ATRNL1: variants seen among roughly 807,000 people sequenced by gnomAD.
The protein encoded by ATRNL1 is attractin-like protein 1.
Under a neutral mutation model 182.7 loss-of-function variants are expected in ATRNL1, and 95 were observed. The ratio of observed to expected loss-of-function variants is 0.52; its 90% CI spans 0.44 to 0.62. The LOEUF (loss-of-function observed/expected upper bound fraction) is 0.62, where lower values mean the gene tolerates loss of function less well. Ranked by LOEUF, ATRNL1 falls within the 20% of genes least tolerant of loss-of-function variation. The probability of loss-of-function intolerance (pLI) is 0.00; values close to 1 mark genes in which losing one functional copy is unlikely to be tolerated. For missense variants in ATRNL1, 1,471 were observed against 1,679.5 expected (o/e 0.88, Z 2.17); for synonymous variants, 576 against 568.3 (o/e 1.01, Z -0.19).
intron 19 of ATRNL1, among the ~76,000 whole-genome samples, chr10:115,387,527 G>A (rs1314734438): frequency 6.6e-6 from 1 of 152,154 alleles, no homozygotes; most frequent in Non-Finnish European, 1.5e-5. Context: ...GACATTCACA[G>A]TGTTGTGCAG....
At chr10:115,253,468 T>A (rs114149005) in intron 10 of ATRNL1, among the ~76,000 whole-genome samples, 1,786 of 152,268 alleles carry the variant, frequency 0.012, 34 homozygotes, top group African/African-American at 0.04. Context: ...CAACAAGTTT[T>A]TTTTTGAATT....
chr10:115,312,486 A>C (rs1282575233), intron 17 of ATRNL1, among the ~76,000 whole-genome samples: 1 of 151,944 alleles, frequency 6.6e-6, no homozygotes, highest in African/African-American at 2.4e-5. Context: ...TATTAGTCTG[A>C]TAAGTTTTTC....
chr10:115,194,403 TATC>T (rs1490205813), intron 8 of ATRNL1, among the ~76,000 whole-genome samples: 8 of 152,050 alleles, frequency 5.3e-5, no homozygotes, highest in African/African-American at 1.9e-4. Flanking sequence ...ACAATTGTTC[TATC>T]ATCTTGCTGA....
At chr10:115,364,795 T>C (rs564777315) in intron 19 of ATRNL1, among the ~76,000 whole-genome samples, 1 of 151,980 alleles carries the variant, frequency 6.6e-6, no homozygotes, top group East Asian at 1.9e-4. Flanking sequence ...TTTGTGTCTT[T>C]GGCTCTGTTT....
chr10:115,293,522 T>G (rs782216701), intron 15 of ATRNL1, among the ~76,000 whole-genome samples: 4 of 152,308 alleles, frequency 2.6e-5, no homozygotes, highest in Admixed American at 1.3e-4. Context: ...TTTTATTTCT[T>G]TCTCTTTCTC....
At chr10:115,788,966 A>G (rs979113532) in intron 27 of ATRNL1, among the ~76,000 whole-genome samples, 1 of 152,228 alleles carries the variant, frequency 6.6e-6, no homozygotes, top group Non-Finnish European at 1.5e-5. Context: ...TATGAAATCC[A>G]TTCTCGAGTG....
chr10:115,303,296 C>G (rs1469745923), intron 17 of ATRNL1, among the ~76,000 whole-genome samples: 1 of 146,002 alleles, frequency 6.8e-6, no homozygotes, highest in Non-Finnish European at 1.5e-5. Context: ...CTAATTTCAG[C>G]TCACTGCAAC....
At position 115,246,839 on chromosome 10, in the gene ATRNL1, C is replaced by T. The variant is rs1397749517; in HGVS notation, c.1687+5114C>T. 1.1e-4 allele frequency among the ~76,000 whole-genome samples: 7 copies of T among 65,040 alleles called. 1 individual carries two copies. Among genetic ancestry groups the T allele is most frequent in the Non-Finnish European group, 2.4e-4 (7 of 29,496 alleles). The allele number at this position is 65,040 out of a possible 152,430, so 42.7% of individuals were successfully genotyped here. A position where few individuals can be genotyped will look rare whatever the true frequency, so the allele number is the denominator to read the frequency against. On this transcript the variant is annotated intron_variant, in intron 10 of 28. Transcript: ENST00000355044. ...CCTCCCAAAGTGCTGGGATTACAGG[C>T]GTGAGCCACCGCGCCCGGCCATCTC...
At chr10:115,539,470 C>A (rs1272179749) in intron 25 of ATRNL1, among the ~76,000 whole-genome samples, 4 of 152,182 alleles carry the variant, frequency 2.6e-5, no homozygotes, top group Non-Finnish European at 5.9e-5. Context: ...ATTCAAAGTA[C>A]TGGTGAACCA....
intron 19 of ATRNL1, among the ~76,000 whole-genome samples, chr10:115,367,652 A>G (rs1857126483): frequency 7.0e-6 from 1 of 142,856 alleles, no homozygotes; most frequent in Non-Finnish European, 1.6e-5. Context: ...TTGTGGTTTT[A>G]TCTACTTTTG....
At chr10:115,243,832 T>G (rs2133824547) in intron 10 of ATRNL1, among the ~76,000 whole-genome samples, 1 of 152,198 alleles carries the variant, frequency 6.6e-6, no homozygotes, top group South Asian at 2.1e-4. Context: ...AACAAAAACA[T>G]AAAGACAGTT....
intron 28 of ATRNL1, among the ~76,000 whole-genome samples, chr10:115,883,115 G>A (rs540923563): frequency 3.3e-5 from 5 of 152,272 alleles, no homozygotes; most frequent in African/African-American, 9.6e-5. Context: ...AGGGCTTTGC[G>A]CAGATGGTAG....
At chr10:115,683,941 A>G (rs1946135929) in intron 26 of ATRNL1, among the ~76,000 whole-genome samples, 1 of 151,752 alleles carries the variant, frequency 6.6e-6, no homozygotes, top group African/African-American at 2.4e-5. Context: ...ATTTTCATTG[A>G]CCTGTGTTTT....
In ATRNL1 at chr10:115,713,443, CTGTGTGTGTG is replaced by C. The variant is rs140348673; in HGVS notation, c.3796-13791_3796-13782del. Among the ~76,000 whole-genome samples the C allele has an allele frequency of 2.6e-3, 311 of 117,928 alleles. 2 individuals carry two copies. The highest frequency in any genetic ancestry group is 7.9e-3 in the African/African-American group (268 of 33,964). 77.4% of individuals were successfully genotyped at this position (117,928 alleles called of 152,430 possible). ...ACAAAACAAGGAAGAGGGAAAGTGG[CTGTGTGTGTG>C]TGTGTGTGTGTGTTTGTGTGTGTGT... On this transcript the variant is annotated intron_variant, in intron 26 of 28. Transcript: ENST00000355044.
At chr10:115,590,827 A>G (rs1565194395) in intron 26 of ATRNL1, among the ~76,000 whole-genome samples, 2 of 152,196 alleles carry the variant, frequency 1.3e-5, no homozygotes, top group African/African-American at 2.4e-5. Context: ...CCTGAATACT[A>G]GCATTTCTGA....
intron 19 of ATRNL1, among the ~76,000 whole-genome samples, chr10:115,362,398 A>G (rs1371697076): frequency 1.3e-5 from 2 of 152,062 alleles, no homozygotes; most frequent in Admixed American, 1.3e-4. Flanking sequence ...TGTTTGGTTT[A>G]TGAGGATATA....
chr10:115,408,298 C>T (rs1378059069), intron 20 of ATRNL1, among the ~76,000 whole-genome samples: 14 of 152,162 alleles, frequency 9.2e-5, no homozygotes, highest in South Asian at 4.1e-4. Context: ...CCACCGCGCC[C>T]GGCCTGATTT....
intron 8 of ATRNL1, among the ~76,000 whole-genome samples, chr10:115,193,643 ATCT>A (rs1554890383): frequency 2.0e-5 from 3 of 150,682 alleles, no homozygotes; most frequent in African/African-American, 7.3e-5. Flanking sequence ...CTATATTTTC[ATCT>A]TTTCAAAAAT....
intron 8 of ATRNL1, among the ~76,000 whole-genome samples, chr10:115,207,906 T>G (rs1337036794): frequency 6.6e-6 from 1 of 152,088 alleles, no homozygotes; most frequent in East Asian, 1.9e-4. Flanking sequence ...TTTTGTTAAA[T>G]TTTGGAAATT....
Sources: gnomAD v4.1 joint callset for allele counts (sites outside exome capture counted in the v4.1 genomes callset) on GRCh38, gnomAD v4.1.1 for gene constraint, MANE v1.5 for transcripts, NCBI Gene and HGNC (gene_info 2026-07-23, HGNC 2026-07-21) for gene names.